AKR1D1: variants seen among roughly 807,000 people sequenced by gnomAD.
The protein encoded by AKR1D1 is aldo-keto reductase family 1 member D1.
A neutral mutation model predicts 42.6 loss-of-function variants in AKR1D1; 32 were observed. The observed-to-expected ratio is 0.75, with a 90% CI of 0.57 to 1.01. The LOEUF (loss-of-function observed/expected upper bound fraction) is 1.01. Among genes scored for constraint, AKR1D1 ranks in the 50% least tolerant of loss-of-function variants. The pLI is 0.00. For missense variants in AKR1D1, 364 were observed against 402.2 expected (o/e 0.91, Z 0.81); for synonymous variants, 123 against 135.5 (o/e 0.91, Z 0.64).
chr7:138,100,356 G>A (rs1439991911), intron 4 of AKR1D1, among the ~76,000 whole-genome samples: 4 of 151,920 alleles, frequency 2.6e-5, no homozygotes, highest in African/African-American at 9.7e-5. Context: ...TAGATTATCA[G>A]AATGGATATA....
chr7:138,113,194 T>C (rs117186073), intron 7 of AKR1D1, among the ~76,000 whole-genome samples: 3,182 of 151,934 alleles, frequency 0.021, 51 homozygotes, highest in East Asian at 0.069. Context: ...AACATGTCTG[T>C]AGTCCCAGCT....
intron 7 of AKR1D1, among the ~76,000 whole-genome samples, chr7:138,109,026 A>G (rs185508849): frequency 6.6e-6 from 1 of 152,344 alleles, no homozygotes; most frequent in Non-Finnish European, 1.5e-5. Context: ...GTGCACACAC[A>G]CAGACAGATG....
Position 138,095,586 on chromosome 7 carries a change from C to T in AKR1D1, c.379-2280C>T, listed in dbSNP as rs186316940. 1.2e-4 allele frequency among the ~76,000 whole-genome samples: 18 copies of T among 152,294 alleles called. 2 individuals are homozygous for T. Among genetic ancestry groups the T allele is most frequent in the African/African-American group, 4.3e-4 (18 of 41,564 alleles). ...TGTTGCCCAGACTGGAGTGCAGTGG[C>T]ATGATCTCGGCTCACTGCAATCTCC... On this transcript the variant is annotated intron_variant, in intron 3 of 8. Transcript: ENST00000242375.
intron 1 of AKR1D1, among the ~76,000 whole-genome samples, chr7:138,087,749 C>T (rs1793964109): frequency 6.6e-6 from 1 of 152,132 alleles, no homozygotes; most frequent in Admixed American, 6.5e-5. Context: ...ATGTCTGTCA[C>T]CACAGACTAT....
At chr7:138,106,529 A>C in intron 5 of AKR1D1, 79 bp from the exon 6 acceptor site, 1 of 1,076,170 alleles carries the variant, frequency 9.3e-7, no homozygotes, top group Non-Finnish European at 1.4e-6. Flanking sequence ...ATTTTATTGA[A>C]GAATTTTTTT....
intron 3 of AKR1D1, among the ~76,000 whole-genome samples, chr7:138,095,418 C>G (rs1200287570): frequency 2.0e-5 from 3 of 152,210 alleles, no homozygotes; most frequent in African/African-American, 7.2e-5. Context: ...GTTGAAAAGA[C>G]ATTGTCTTTC....
chr7:138,085,387 G>A (rs1363569363), intron 1 of AKR1D1, among the ~76,000 whole-genome samples: 1 of 151,226 alleles, frequency 6.6e-6, no homozygotes, highest in Admixed American at 6.6e-5. Context: ...GCACCATGGT[G>A]GACTACACTC....
At chr7:138,104,680 C>T (rs1454934518) in intron 4 of AKR1D1, among the ~76,000 whole-genome samples, 2 of 68,358 alleles carry the variant, frequency 2.9e-5, no homozygotes, top group African/African-American at 5.3e-5. Context: ...AACTCCATCT[C>T]GGAAAAAAAA....
chr7:138,081,555 C>T (rs969089846), intron 1 of AKR1D1, among the ~76,000 whole-genome samples: 2 of 84,446 alleles, frequency 2.4e-5, no homozygotes, highest in East Asian at 3.9e-4. Flanking sequence ...GACAGACTTT[C>T]GCTCTTGTTG....
At chr7:138,087,100 C>T (rs1455996718) in intron 1 of AKR1D1, among the ~76,000 whole-genome samples, 1 of 152,170 alleles carries the variant, frequency 6.6e-6, no homozygotes, top group Non-Finnish European at 1.5e-5. Flanking sequence ...GAGGTTTATT[C>T]TCTTACAGTT....
At chr7:138,083,785 A>G (rs552459174) in intron 1 of AKR1D1, among the ~76,000 whole-genome samples, 1 of 152,232 alleles carries the variant, frequency 6.6e-6, no homozygotes, top group East Asian at 1.9e-4. Flanking sequence ...TACAGGTCCA[A>G]TTTCACTCTG....
At chr7:138,089,393 TG>T (rs1794017002) in intron 2 of AKR1D1, among the ~76,000 whole-genome samples, 1 of 147,628 alleles carries the variant, frequency 6.8e-6, no homozygotes, top group Non-Finnish European at 1.5e-5. Context: ...AACTCAGACA[TG>T]GTATTCAGAT....
intron 2 of AKR1D1, 72 bp from the exon 3 acceptor site, chr7:138,091,696 A>C: frequency 8.1e-7 from 1 of 1,241,084 alleles, no homozygotes; most frequent in Non-Finnish European, 1.2e-6. Flanking sequence ...AGTGTTTTAC[A>C]AAGAAAAAGG....
At position 138,084,868 on chromosome 7, in the gene AKR1D1, C is replaced by T. The variant is rs930580520; in HGVS notation, c.94-3733C>T. Among the ~76,000 whole-genome samples the T allele has an allele frequency of 4.0e-5, 6 of 151,880 alleles. No homozygotes were observed. In the South Asian group the frequency reaches 1.2e-3, roughly 32 times the overall value. ...GTCAAGAGATCGAGACCATCCTGGC[C>T]AACATGGTGAAACCCCGTCTCTACT... On this transcript the variant is annotated intron_variant, in intron 1 of 8. Transcript: ENST00000242375.
At chr7:138,084,505 C>T (rs1023841734) in intron 1 of AKR1D1, among the ~76,000 whole-genome samples, 2 of 152,054 alleles carry the variant, frequency 1.3e-5, no homozygotes, top group African/African-American at 4.8e-5. Context: ...AGGTGTGTGC[C>T]ACTGCGCCAG....
At chr7:138,107,682 AT>A in intron 7 of AKR1D1, 102 bp downstream of exon 7, 2 of 1,247,516 alleles carry the variant, frequency 1.6e-6, no homozygotes, top group Non-Finnish European at 2.3e-6. Flanking sequence ...ACACTCTCAT[AT>A]TTTATTTTAT....
At chr7:138,093,769 A>G (rs1410301709) in intron 3 of AKR1D1, among the ~76,000 whole-genome samples, 2 of 152,240 alleles carry the variant, frequency 1.3e-5, no homozygotes, top group African/African-American at 2.4e-5. Flanking sequence ...ATTGTTTACT[A>G]TCATTATCAA....
intron 3 of AKR1D1, 33 bp downstream of exon 3, chr7:138,091,917 C>T: frequency 1.4e-6 from 2 of 1,447,162 alleles, no homozygotes; most frequent in Non-Finnish European, 1.9e-6. Context: ...CAGGTCTCTG[C>T]ACCCTGGCAA....
chr7:138,097,667 G>C (rs1346396300), intron 3 of AKR1D1, among the ~76,000 whole-genome samples, 199 bp from the exon 4 acceptor site: 1 of 152,198 alleles, frequency 6.6e-6, no homozygotes, highest in Admixed American at 6.5e-5. Context: ...ACACAAGACA[G>C]GTACTGGCAT....
Sources: allele counts gnomAD v4.1 joint callset (sites outside exome capture counted in the v4.1 genomes callset), GRCh38; gene constraint gnomAD v4.1.1; transcripts MANE v1.5; gene names NCBI Gene and HGNC (gene_info 2026-07-23, HGNC 2026-07-21).